Variants in HTR3B observed in about 807,000 individuals in gnomAD.
HTR3B encodes the protein 5-hydroxytryptamine (serotonin) receptor 3B, ionotropic.
HTR3B carries 44 observed loss-of-function variants against 42.8 expected under a neutral mutation model. That is an observed-to-expected ratio of 1.03 (90% CI 0.81 to 1.32). The LOEUF (loss-of-function observed/expected upper bound fraction) is 1.32. Among genes scored for constraint, HTR3B ranks in the 40% most tolerant of loss-of-function variants. The probability of loss-of-function intolerance (pLI) is 0.00; values close to 1 mark genes in which losing one functional copy is unlikely to be tolerated. For synonymous variants in HTR3B, 203 were observed against 209.0 expected (o/e 0.97, Z 0.25); for missense variants, 527 against 536.5 (o/e 0.98, Z 0.17).
Position 113,913,902 on chromosome 11 carries a change from A to C in HTR3B, c.213+4447A>C, listed in dbSNP as rs530169231. On this transcript the variant is annotated intron_variant, in intron 2 of 8. Transcript: ENST00000260191. ...ATTAGGATGGTGGCTATATAAGAAG[A>C]GGGAGAGAAAGCTGACCTGACATGC... is the stretch of plus-strand genomic sequence containing the variant. 9.2e-5 allele frequency among the ~76,000 whole-genome samples: 14 copies of C among 152,246 alleles called. No individual in the cohort carries two copies. In the South Asian group the frequency reaches 2.9e-3, roughly 32 times the overall value.
chr11:113,902,621 G>A (rs1182748544), upstream of HTR3B, among the ~76,000 whole-genome samples: 3 of 152,100 alleles, frequency 2.0e-5, no homozygotes, highest in Non-Finnish European at 4.4e-5. Context: ...AATACTTAGT[G>A]TGCTGGTCTT....
chr11:113,922,919 A>G (rs565306959), intron 2 of HTR3B, among the ~76,000 whole-genome samples: 32 of 152,338 alleles, frequency 2.1e-4, no homozygotes, highest in Middle Eastern at 3.4e-3. Flanking sequence ...AATGTAGTGT[A>G]TGCTACTTGA....
At chr11:113,933,159 C>T in intron 6 of HTR3B, 66 bp downstream of exon 6, 1 of 1,495,866 alleles carries the variant, frequency 6.7e-7, no homozygotes, top group East Asian at 2.3e-5. Context: ...TCTCTTGGGC[C>T]AAGGAATTTC....
At chr11:113,914,045 T>TA in intron 2 of HTR3B, among the ~76,000 whole-genome samples, 1 of 131,346 alleles carries the variant, frequency 7.6e-6, no homozygotes, top group African/African-American at 2.7e-5. Context: ...AAAAATATAT[T>TA]TTTTTTTTTT....
intron 6 of HTR3B, among the ~76,000 whole-genome samples, chr11:113,939,368 G>A (rs1950116044): frequency 6.6e-6 from 1 of 152,144 alleles, no homozygotes; most frequent in Non-Finnish European, 1.5e-5. Context: ...GAAAATGCAG[G>A]ACCCCTTATT....
In HTR3B at chr11:113,947,283, T is replaced by C. The variant is rs561553252; in HGVS notation, c.*1146T>C. On this transcript the variant is annotated 3_prime_UTR_variant, in exon 9 of 9. Coordinates refer to ENST00000260191, the MANE Select transcript of HTR3B (RefSeq NM_006028.5). ...CACACCCAGCTAATTTTCTGTATTT[T>C]AGTAGCAGGTGCCAAGGCTTCTAAG... Among the ~76,000 whole-genome samples the C allele has an allele frequency of 1.1e-4, 17 of 152,072 alleles. No individual in the cohort carries two copies. The highest frequency in any genetic ancestry group is 6.8e-3 in the Middle Eastern group (2 of 294).
In HTR3B at chr11:113,932,338, T is replaced by G; in HGVS notation, c.418T>G (p.Ser140Ala). Residue 140 changes from serine to alanine, a missense_variant, in exon 5 of 9, where the codon TCT becomes GCT. Coordinates refer to ENST00000260191, the MANE Select transcript of HTR3B (RefSeq NM_006028.5). ...PDLPYVYVNSSGTIENYKPIQ... is the reference protein window; with the variant it reads ...PDLPYVYVNSAGTIENYKPIQ... Reference sequence around the variant, plus strand: ...CCTTCCCTATGTTTATGTGAACTCATCTGGGACCATTGAGAACTATAAGCC... The same window carrying G: ...CCTTCCCTATGTTTATGTGAACTCAGCTGGGACCATTGAGAACTATAAGCC... 6.2e-7 allele frequency: 1 copy of G among 1,613,632 alleles called. No individual in the cohort carries two copies. Among genetic ancestry groups the G allele is most frequent in the Non-Finnish European group, 8.5e-7 (1 of 1,179,514 alleles).
Position 113,918,268 on chromosome 11 carries a change from CGT to C in HTR3B, c.213+8840_213+8841del, listed in dbSNP as rs60519849. ...CAGATTTCTCCTGCTTGTGTGTACT[CGT>C]GTGTGTGTGTGTGTGTGTGTGTGTG... On this transcript the variant is annotated intron_variant, in intron 2 of 8. Transcript: ENST00000260191. Among the ~76,000 whole-genome samples the C allele has an allele frequency of 2.6e-3, 379 of 146,732 alleles. 1 individual carries two copies. The highest frequency in any genetic ancestry group is 6.9e-3 in the Middle Eastern group (2 of 290).
chr11:113,917,935 T>C (rs1949873037), intron 2 of HTR3B, among the ~76,000 whole-genome samples: 1 of 152,208 alleles, frequency 6.6e-6, no homozygotes, highest in African/African-American at 2.4e-5. Flanking sequence ...ATCCTTTTAC[T>C]GTTATGAAAC....
chr11:113,905,984 A>C (rs1261216672), intron 1 of HTR3B, among the ~76,000 whole-genome samples: 3 of 152,260 alleles, frequency 2.0e-5, no homozygotes, highest in Non-Finnish European at 4.4e-5. Flanking sequence ...ATTAAATGCC[A>C]AATGGGTTTC....
At chr11:113,908,568 G>A (rs899490618) in intron 1 of HTR3B, among the ~76,000 whole-genome samples, 1 of 152,190 alleles carries the variant, frequency 6.6e-6, no homozygotes, top group African/African-American at 2.4e-5. Context: ...TCCAATTGCT[G>A]GTGCTCATTT....
At chr11:113,902,892 AG>A (rs1949705172), upstream of HTR3B, among the ~76,000 whole-genome samples, 2 of 152,094 alleles carry the variant, frequency 1.3e-5, no homozygotes, top group South Asian at 4.1e-4. Context: ...TTTTTGAGAC[AG>A]GGTCTACCTC....
intron 2 of HTR3B, among the ~76,000 whole-genome samples, chr11:113,929,724 C>CATTTTT (rs970079009): frequency 3.3e-5 from 5 of 151,956 alleles, no homozygotes; most frequent in South Asian, 2.1e-4. Context: ...GTCTCTCACC[C>CATTTTT]ATTTTTATTT....
intron 6 of HTR3B, among the ~76,000 whole-genome samples, chr11:113,936,874 G>T (rs1383142229): frequency 3.9e-5 from 6 of 152,112 alleles, no homozygotes; most frequent in Admixed American, 3.3e-4. Context: ...GCAATTACAG[G>T]CTAACCTTGG....
At chr11:113,910,680 T>A (rs990280001) in intron 2 of HTR3B, among the ~76,000 whole-genome samples, 1 of 151,978 alleles carries the variant, frequency 6.6e-6, no homozygotes, top group African/African-American at 2.4e-5. Flanking sequence ...CCTCAAGTGA[T>A]CCATCTGCCT....
rs758490357 is a variant in HTR3B, at chr11:113,944,741, G to A, written c.1076G>A (p.Arg359His). The A allele has an allele frequency of 1.6e-5, 26 of 1,613,958 alleles. No homozygotes were observed. Among genetic ancestry groups the A allele is most frequent in the South Asian group, 1.4e-4 (13 of 91,070 alleles). Residue 359 changes from arginine to histidine, a missense_variant, in exon 8 of 9, where the codon CGT (arginine) becomes CAT (histidine). Transcript: ENST00000260191. ...DRPRVEPRAQRAVVTESSLYG... is the reference protein window; with the variant it reads ...DRPRVEPRAQHAVVTESSLYG... ...CCTAGAGTGGAACCCAGGGCCCAACGTGCTGTGGTAACAGGTGTGTGAGAA... is the reference window on the plus strand; with the variant it reads ...CCTAGAGTGGAACCCAGGGCCCAACATGCTGTGGTAACAGGTGTGTGAGAA...
In HTR3B at chr11:113,943,127, A is replaced by G; in HGVS notation, c.842A>G (p.Tyr281Cys). ...IVFKTSVLVG[Y>C]TVFRVNMSNQ... ...TTCAAGACCAGTGTGCTGGTGGGCT[A>G]CACCGTCTTCAGGGTCAACATGTCC... The change falls in exon 7 of 9, where the codon TAC becomes TGC. Residue 281 changes from tyrosine to cysteine, a missense_variant. By Grantham distance (194) the Tyr-to-Cys change is radical (BLOSUM62 -2). Coordinates refer to ENST00000260191, the MANE Select transcript of HTR3B (RefSeq NM_006028.5). 1 of 1,614,100 alleles carries G rather than the reference A, an allele frequency of 6.2e-7. No homozygotes were observed. The highest frequency in any genetic ancestry group is 8.5e-7 in the Non-Finnish European group (1 of 1,180,020).
chr11:113,938,443 C>A (rs577954278), intron 6 of HTR3B, among the ~76,000 whole-genome samples: 1 of 152,196 alleles, frequency 6.6e-6, no homozygotes, highest in East Asian at 1.9e-4. Flanking sequence ...ATGGTCCATT[C>A]TGGGGCAAAA....
In HTR3B at chr11:113,949,037, T is replaced by A. The variant is rs1400242923; in HGVS notation, c.*2900T>A. ...AAAGTATAATTTAAAAAAAAGTAAA[T>A]AATGCATCACAAAATAAAGATAAGA... On this transcript the variant is annotated 3_prime_UTR_variant, in exon 9 of 9. Coordinates refer to ENST00000260191, the MANE Select transcript of HTR3B (RefSeq NM_006028.5). Among the ~76,000 whole-genome samples the A allele has an allele frequency of 6.6e-6, 1 of 152,046 alleles. No homozygotes were observed. Among genetic ancestry groups the A allele is most frequent in the Non-Finnish European group, 1.5e-5 (1 of 68,002 alleles).
Sources: gnomAD v4.1 joint callset for allele counts (sites outside exome capture counted in the v4.1 genomes callset) on GRCh38, gnomAD v4.1.1 for gene constraint, MANE v1.5 for transcripts, NCBI Gene and HGNC (gene_info 2026-07-23, HGNC 2026-07-21) for gene names.